HRC: variants seen among roughly 807,000 people sequenced by gnomAD.
HRC encodes sarcoplasmic reticulum histidine-rich calcium-binding protein.
HRC carries 41 observed loss-of-function variants against 61.4 expected under a neutral mutation model. That is an observed-to-expected ratio of 0.67 (90% CI 0.52 to 0.87). The LOEUF is 0.87. Among genes scored for constraint, HRC ranks in the 40% least tolerant of loss-of-function variants. HRC has a pLI of 0.00. For synonymous variants in HRC, 308 were observed against 326.6 expected (o/e 0.94, Z 0.62); for missense variants, 839 against 885.8 (o/e 0.95, Z 0.67).
chr19:49,151,487 C>A, intron 5 of HRC, 30 bp downstream of exon 5: 1 of 1,611,912 alleles, frequency 6.2e-7, no homozygotes. Flanking sequence ...CTAAACGGGG[C>A]TTTTACACGC....
At position 49,153,872 on chromosome 19, in the gene HRC, C is replaced by T; in HGVS notation, c.1366G>A (p.Gly456Arg). Residue 456 changes from glycine to arginine, a missense_variant, in exon 1 of 6, where the codon GGG becomes AGG. Transcript: ENST00000252825. The surrounding 1 kb of genome is among the most constrained non-coding windows in gnomAD (Gnocchi z 4.8). Reference sequence around the variant, plus strand: ...TGATGGCTCATCTCTTTGATGGACCCTCTTTGACCATGGCCAGTTTCTTCA... The same window carrying T: ...TGATGGCTCATCTCTTTGATGGACCTTCTTTGACCATGGCCAGTTTCTTCA... ...QDEETGHGQR[G>R]SIKEMSHHPP... 6.2e-7 allele frequency: 1 copy of T among 1,614,166 alleles called. No homozygotes were observed. The highest frequency in any genetic ancestry group is 1.1e-5 in the South Asian group (1 of 91,068).
intron 4 of HRC, 129 bp downstream of exon 4, chr19:49,151,875 G>T: frequency 1.1e-6 from 1 of 908,496 alleles, no homozygotes; most frequent in Non-Finnish European, 1.7e-6. Context: ...CGTGCTCAGA[G>T]CCTTGGCCAC....
Position 49,152,387 on chromosome 19 carries a change from C to A in HRC, c.1903-9G>T, listed in dbSNP as rs375857548. ...TCACATTCAGTGCATCGCTGGGGAC[C>A]GGGGGAGCCTGGTTAGATGGAAACT... On this transcript the variant is annotated splice_polypyrimidine_tract_variant and intron_variant, in intron 2 of 5. Coordinates refer to ENST00000252825, the MANE Select transcript of HRC (RefSeq NM_002152.3). The A allele has an allele frequency of 4.7e-4, 762 of 1,612,460 alleles. 2 individuals carry two copies. The highest frequency in any genetic ancestry group is 6.2e-4 in the Non-Finnish European group (731 of 1,179,368).
Position 49,151,287 on chromosome 19 carries a change from G to A in HRC, c.*9C>T, listed in dbSNP as rs199665539. ...GGAGGTACACCTGCGTCGCAGTCGA[G>A]CGACTGGGTCAGGGTTCCGGCGTTT... On this transcript the variant is annotated 3_prime_UTR_variant, in exon 6 of 6. Coordinates refer to ENST00000252825, the MANE Select transcript of HRC (RefSeq NM_002152.3). 24 of 1,550,040 alleles carry A rather than the reference G, an allele frequency of 1.5e-5. No homozygotes were observed. The East Asian group carries it at 5.3e-4, about 34-fold the overall frequency.
chr19:49,152,514 C>T (rs997194103), intron 2 of HRC, 136 bp from the exon 3 acceptor site: 23 of 583,726 alleles, frequency 3.9e-5, no homozygotes, highest in Non-Finnish European at 5.8e-5. Flanking sequence ...TCTGTATCTG[C>T]CCCCCAAACC....
At chr19:49,152,626 G>A (rs1188570086) in intron 2 of HRC, among the ~76,000 whole-genome samples, 1 of 149,960 alleles carries the variant, frequency 6.7e-6, no homozygotes, top group Non-Finnish European at 1.5e-5. Context: ...CTGGAGTGCA[G>A]TGGCGCAACC....
chr19:49,153,356 G>T lies in HRC; in HGVS notation c.1832-25C>A. On this transcript the variant is annotated intron_variant, in intron 1 of 5. Transcript: ENST00000252825. The surrounding 1 kb of genome is among the most constrained non-coding windows in gnomAD (Gnocchi z 4.8). ...CCTGCGGGGACAGGAGGGCAGCAGT[G>T]ACCCAGGCTGACTCGGTTCCTTCCC... 3 of 1,612,372 alleles carry T rather than the reference G, an allele frequency of 1.9e-6. No individual in the cohort carries two copies. Among genetic ancestry groups the T allele is most frequent in the South Asian group, 2.2e-5 (2 of 91,012 alleles).
rs1414119476 is a variant in HRC at position 49,155,161 on chromosome 19, A to G, written c.77T>C (p.Met26Thr). The change falls in exon 1 of 6, where the codon ATG becomes ACG. Residue 26 changes from methionine (M) to threonine (T), a missense_variant. Met to Thr is a moderately conservative substitution (Grantham distance 81). Transcript: ENST00000252825. The surrounding 1 kb of genome is among the most constrained non-coding windows in gnomAD (Gnocchi z 4.7). ...CCCATCCCCTCTGAGCTGCTGGGTC[A>G]TGGCCGGGGGGAGGAGCAGGCTGGC... ...GVASLLLPPA[M>T]TQQLRGDGLG... The G allele has an allele frequency of 6.2e-7, 1 of 1,613,768 alleles. No homozygotes were observed. The highest frequency in any genetic ancestry group is 1.7e-5 in the Admixed American group (1 of 60,014).
Position 49,155,238 on chromosome 19 carries a change from G to A in HRC, c.-1C>T, listed in dbSNP as rs926136087. The A allele has an allele frequency of 6.3e-7, 1 of 1,592,086 alleles. No homozygotes were observed. Among genetic ancestry groups the A allele is most frequent in the Non-Finnish European group, 8.5e-7 (1 of 1,172,450 alleles). On this transcript the variant is annotated 5_prime_UTR_variant, in exon 1 of 6. Coordinates refer to ENST00000252825, the MANE Select transcript of HRC (RefSeq NM_002152.3). The surrounding 1 kb of genome is among the most constrained non-coding windows in gnomAD (Gnocchi z 4.7). ...GCAGCCATGGCCTATGGTGGCCCAT[G>A]GGGACGGACAGGCAGCACTGGCTCC...
At chr19:49,152,487 T>C (rs2041371298) in intron 2 of HRC, 109 bp from the exon 3 acceptor site, 2 of 784,460 alleles carry the variant, frequency 2.5e-6, no homozygotes, top group Non-Finnish European at 4.1e-6. Flanking sequence ...CTACCCTCTT[T>C]ATCTCTAACA....
In HRC at chr19:49,153,289, G is replaced by C. The variant is rs373869833; in HGVS notation, c.1874C>G (p.Ser625Cys). The change falls in exon 2 of 6, where the codon TCC (serine) becomes TGC (cysteine). Residue 625 changes from serine (S) to cysteine (C), a missense_variant. Transcript: ENST00000252825. The surrounding 1 kb of genome is among the most constrained non-coding windows in gnomAD (Gnocchi z 4.8). ...AQEYGNYQPG[S>C]LCGYCSFCNR... is the part of the protein sequence containing the mutation. ...GCAGAAGGAGCAGTAGCCACACAGG[G>C]ACCCTGGCTGGTAGTTCCCATACTC... 4 of 1,613,732 alleles carry C rather than the reference G, an allele frequency of 2.5e-6. No homozygotes were observed. Among genetic ancestry groups the C allele is most frequent in the Non-Finnish European group, 3.4e-6 (4 of 1,179,788 alleles).
intron 4 of HRC, 85 bp from the exon 5 acceptor site, chr19:49,151,638 G>T: frequency 8.4e-7 from 1 of 1,187,454 alleles, no homozygotes; most frequent in Non-Finnish European, 1.2e-6. Flanking sequence ...CGAGATTAGT[G>T]CTAGCTCCAC....
At position 49,155,054 on chromosome 19, in the gene HRC, G is replaced by A. The variant is rs1874894698; in HGVS notation, c.184C>T (p.His62Tyr). 6.2e-7 allele frequency: 1 copy of A among 1,614,226 alleles called. No homozygotes were observed. The highest frequency in any genetic ancestry group is 2.2e-5 in the East Asian group (1 of 44,882). The change falls in exon 1 of 6, where the codon CAC becomes TAC. Residue 62 changes from histidine (H) to tyrosine (Y), a missense_variant. His to Tyr is a moderately conservative substitution (Grantham distance 83, BLOSUM62 2). Coordinates refer to ENST00000252825, the MANE Select transcript of HRC (RefSeq NM_002152.3). This position sits in a 1 kb window ranked among gnomAD's most constrained non-coding sequence, Gnocchi z 4.7. ...EASAELRHHLHSPRDHPDENK... is the reference protein window; with the variant it reads ...EASAELRHHLYSPRDHPDENK... The stretch of plus-strand genomic sequence containing the variant: ...TCATCTGGATGGTCTCTAGGGCTGT[G>A]GAGGTGGTGGCGAAGCTCTGCTGAT...
At position 49,154,998 on chromosome 19, in the gene HRC, A is replaced by G. The variant is rs2041411703; in HGVS notation, c.240T>C (p.His80=). 9.9e-6 allele frequency: 16 copies of G among 1,614,064 alleles called. No homozygotes were observed. Among genetic ancestry groups the G allele is most frequent in the African/African-American group, 1.3e-5 (1 of 74,930 alleles). The change falls in exon 1 of 6, where the codon CAT becomes CAC. Residue 80 remains histidine (H), a synonymous_variant. Coordinates refer to ENST00000252825, the MANE Select transcript of HRC (RefSeq NM_002152.3). ...ENKDVSTENG[H]HFWSHPDREK... is the part of the protein sequence containing the mutation. The stretch of plus-strand genomic sequence containing the variant: ...CACGGTCTGGGTGGCTCCAGAAATG[A>G]TGCCCATTCTCTGTGGAAACATCCT...
chr19:49,152,470 C>T, intron 2 of HRC, 92 bp from the exon 3 acceptor site: 1 of 952,122 alleles, frequency 1.1e-6, no homozygotes, highest in Non-Finnish European at 1.6e-6. Context: ...GGACGCTTCC[C>T]CAGACTCTAC....
Position 49,153,808 on chromosome 19 carries a change from A to G in HRC, c.1430T>C (p.Leu477Ser). 1.2e-6 allele frequency: 2 copies of G among 1,613,944 alleles called. No individual in the cohort carries two copies. Among genetic ancestry groups the G allele is most frequent in the Non-Finnish European group, 1.7e-6 (2 of 1,180,008 alleles). Reference protein sequence around the residue: ...GHTVVKDRSHLRKDDSEEEKE... With the variant: ...GHTVVKDRSHSRKDDSEEEKE... ...TTCCTCCTCAGAATCATCCTTCCTC[A>G]AATGGCTTCTATCCTTGACCACTGT... Residue 477 changes from leucine (L) to serine (S), a missense_variant, in exon 1 of 6, where the codon TTG (leucine) becomes TCG (serine). Leu to Ser is a moderately radical substitution (Grantham distance 145). Coordinates refer to ENST00000252825, the MANE Select transcript of HRC (RefSeq NM_002152.3). The surrounding 1 kb of genome is among the most constrained non-coding windows in gnomAD (Gnocchi z 4.8).
chr19:49,154,428 A>T lies in HRC; in HGVS notation c.810T>A (p.Ala270=). ...CAATCCCGTGGCCTTGGTGCCTGTGAGCCTGGTGTCTATATTCAATGGAGA... is the reference window on the plus strand; with the variant it reads ...CAATCCCGTGGCCTTGGTGCCTGTGTGCCTGGTGTCTATATTCAATGGAGA... ...DDVSIEYRHQ[A]HRHQGHGIEE... The change falls in exon 1 of 6, where the codon GCT becomes GCA. Residue 270 remains alanine (A), a synonymous_variant. Transcript: ENST00000252825. The T allele has an allele frequency of 6.3e-7, 1 of 1,576,344 alleles. No homozygotes were observed. Among genetic ancestry groups the T allele is most frequent in the Non-Finnish European group, 8.6e-7 (1 of 1,158,068 alleles).
intron 2 of HRC, 21 bp from the exon 3 acceptor site, chr19:49,152,399 G>C: frequency 6.2e-7 from 1 of 1,609,730 alleles, no homozygotes; most frequent in Non-Finnish European, 8.5e-7. Context: ...GGGGAGCCTG[G>C]TTAGATGGAA....
In HRC at chr19:49,153,563, C is replaced by T; in HGVS notation, c.1675G>A (p.Gly559Arg). 1 of 1,552,868 alleles carries T rather than the reference C, an allele frequency of 6.4e-7. No individual in the cohort carries two copies. Among genetic ancestry groups the T allele is most frequent in the Non-Finnish European group, 8.8e-7 (1 of 1,139,518 alleles). Reference protein sequence around the residue: ...EERREERAEVGAPLSPDHSEE... With the variant: ...EERREERAEVRAPLSPDHSEE... Reference sequence around the variant, plus strand: ...CTGTGGTCTGGGCTCAGTGGGGCCCCAACCTCAGCCCTCTCTTCCCTCCTC... The same window carrying T: ...CTGTGGTCTGGGCTCAGTGGGGCCCTAACCTCAGCCCTCTCTTCCCTCCTC... The change falls in exon 1 of 6, where the codon GGG (glycine) becomes AGG (arginine). Residue 559 changes from glycine to arginine, a missense_variant. Transcript: ENST00000252825. The surrounding 1 kb of genome is among the most constrained non-coding windows in gnomAD (Gnocchi z 4.8).
Sources: allele counts gnomAD v4.1 joint callset (sites outside exome capture counted in the v4.1 genomes callset), GRCh38; gene constraint gnomAD v4.1.1; non-coding constraint Gnocchi (gnomAD v3.1); transcripts MANE v1.5; gene names NCBI Gene and HGNC (gene_info 2026-07-23, HGNC 2026-07-21).